Variants in UBE2D2 observed in about 807,000 individuals in gnomAD.
The protein encoded by UBE2D2 is ubiquitin-conjugating enzyme E2 D2.
Under a neutral mutation model 24.2 loss-of-function variants are expected in UBE2D2, and 2 were observed. The observed-to-expected ratio is 0.08, with a 90% confidence interval of 0.03 to 0.26. The LOEUF (loss-of-function observed/expected upper bound fraction) is 0.26, where lower values mean the gene tolerates loss of function less well. UBE2D2 is among the 10% of genes least tolerant of loss of function. The pLI, the probability that UBE2D2 is intolerant of heterozygous loss-of-function variation, is 1.00. For missense variants in UBE2D2, 44 were observed against 177.6 expected (o/e 0.25, Z 4.28); for synonymous variants, 58 against 56.5 (o/e 1.03, Z -0.12).
intron 1 of UBE2D2, among the ~76,000 whole-genome samples, chr5:139,528,588 T>G (rs574834080): frequency 6.6e-6 from 1 of 152,190 alleles, no homozygotes; most frequent in Non-Finnish European, 1.5e-5. Context: ...ATAAGCTAAC[T>G]CTTAGACAAA....
upstream of UBE2D2, among the ~76,000 whole-genome samples, chr5:139,559,415 G>A (rs1753024685): frequency 6.7e-6 from 1 of 148,388 alleles, no homozygotes; most frequent in Non-Finnish European, 1.5e-5. Flanking sequence ...GACAGAGTGA[G>A]ACTCCGTCTC....
chr5:139,611,222 T>C (rs1163958176), intron 2 of UBE2D2, among the ~76,000 whole-genome samples: 2 of 143,850 alleles, frequency 1.4e-5, no homozygotes, highest in African/African-American at 5.2e-5. Context: ...GTTTCGCTCT[T>C]GTTTCCCAGG....
rs1290635215 is a variant in UBE2D2, at chr5:139,591,153, CTGT to C, written c.25-9213_25-9211del. On this transcript the variant is annotated intron_variant, in intron 1 of 6. Coordinates refer to ENST00000398733, the MANE Select transcript of UBE2D2 (RefSeq NM_003339.3). ...TTTTTTTTTTTAAGACGGAGTTTCG[CTGT>C]TGTTGCCCAGGCTGGAGTGCATGGT... Among the ~76,000 whole-genome samples the C allele has an allele frequency of 2.7e-5, 4 of 145,608 alleles. No homozygotes were observed. In the East Asian group the frequency reaches 8.1e-4, roughly 30 times the overall value.
At chr5:139,574,601 T>G (rs1169157847) in intron 1 of UBE2D2, among the ~76,000 whole-genome samples, 1 of 151,994 alleles carries the variant, frequency 6.6e-6, no homozygotes, top group African/African-American at 2.4e-5. Flanking sequence ...GTAGACATGA[T>G]TGATTATTCC....
At position 139,561,585 on chromosome 5, in the gene UBE2D2, GC is replaced by G. The variant is rs906691472; in HGVS notation, c.-205del. 3 of 426,040 alleles carry G rather than the reference GC, an allele frequency of 7.0e-6. No homozygotes were observed. Among genetic ancestry groups the G allele is most frequent in the African/African-American group, 6.2e-5 (3 of 48,676 alleles). 26.4% of individuals were successfully genotyped at this position (426,040 alleles called of 1,614,324 possible). A position where few individuals can be genotyped will look rare whatever the true frequency, so the allele number is the denominator to read the frequency against. On this transcript the variant is annotated 5_prime_UTR_variant, in exon 1 of 7. Transcript: ENST00000398733. ...GGCGGCGGCGAATAAAGGGGCCGCC[GC>G]CGGGTGATGCGGTGACCGCTGCGGC...
rs1195507116 is a variant in UBE2D2, at chr5:139,582,666, A to ATT, written c.25-17685_25-17684dup. 9.8e-3 allele frequency among the ~76,000 whole-genome samples: 1,101 copies of ATT among 112,306 alleles called. 22 individuals are homozygous for ATT. The highest frequency in any genetic ancestry group is 0.012 in the Non-Finnish European group (719 of 58,136). The allele number at this position is 112,306 out of a possible 152,430, so 73.7% of individuals were successfully genotyped here. A position where few individuals can be genotyped will look rare whatever the true frequency, so the allele number is the denominator to read the frequency against. ...AGATTTCGAAGCGATTTAGATTCGAATTTTTTTTTTTTTTTTTTTTTTGAG... is the reference window on the plus strand; with the variant it reads ...AGATTTCGAAGCGATTTAGATTCGAATTTTTTTTTTTTTTTTTTTTTTTTGAG... On this transcript the variant is annotated intron_variant, in intron 1 of 6. Coordinates refer to ENST00000398733, the MANE Select transcript of UBE2D2 (RefSeq NM_003339.3).
chr5:139,620,109 C>A (rs1438483164), intron 5 of UBE2D2, among the ~76,000 whole-genome samples: 2 of 152,142 alleles, frequency 1.3e-5, no homozygotes, highest in African/African-American at 4.8e-5. Context: ...CTAAACCATT[C>A]ATGAAGGATA....
In UBE2D2 at chr5:139,535,191, A is replaced by G. The variant is rs548964665; in HGVS notation, c.-64+8579A>G. ...TCAGGGTGTGGTGGCTCACGCCTGT[A>G]ATCCCAGCACTTTGGGAGGCAGAGG... On this transcript the variant is annotated intron_variant, in intron 1 of 6. Transcript: ENST00000511725. Among the ~76,000 whole-genome samples the G allele has an allele frequency of 3.3e-5, 5 of 151,896 alleles. No individual in the cohort carries two copies. In the East Asian group the frequency reaches 9.7e-4, roughly 29 times the overall value.
chr5:139,581,788 C>G (rs183578111), intron 1 of UBE2D2, among the ~76,000 whole-genome samples: 70 of 152,038 alleles, frequency 4.6e-4, no homozygotes, highest in Admixed American at 1.1e-3. Flanking sequence ...CCTGCCTCAG[C>G]CTCCCGAGTA....
At chr5:139,529,402 G>A (rs1752576158) in intron 1 of UBE2D2, among the ~76,000 whole-genome samples, 1 of 152,144 alleles carries the variant, frequency 6.6e-6, no homozygotes, top group Non-Finnish European at 1.5e-5. Context: ...AACAGCATGG[G>A]ATAAGATGCA....
chr5:139,565,713 T>C (rs1325520306), intron 1 of UBE2D2, among the ~76,000 whole-genome samples: 2 of 152,184 alleles, frequency 1.3e-5, no homozygotes, highest in Non-Finnish European at 2.9e-5. Context: ...CTGACTTGCT[T>C]CCTGTTTTTC....
intron 1 of UBE2D2, among the ~76,000 whole-genome samples, chr5:139,541,908 C>T (rs1279830289): frequency 2.6e-5 from 4 of 151,918 alleles, no homozygotes; most frequent in African/African-American, 7.3e-5. Context: ...AAAAATTAGC[C>T]GGGTATGGTG....
At chr5:139,567,011 A>T (rs1288448720) in intron 1 of UBE2D2, among the ~76,000 whole-genome samples, 1 of 152,162 alleles carries the variant, frequency 6.6e-6, no homozygotes, top group African/African-American at 2.4e-5. Flanking sequence ...TCATTAAGTA[A>T]TCAGGAGTGT....
At chr5:139,558,220 C>G (rs550659323), upstream of UBE2D2, among the ~76,000 whole-genome samples, 67 of 152,144 alleles carry the variant, frequency 4.4e-4, no homozygotes, top group Middle Eastern at 3.2e-3. Flanking sequence ...CATTTATATG[C>G]TAGAATACAA....
chr5:139,571,966 TC>T (rs1367206781), intron 1 of UBE2D2, among the ~76,000 whole-genome samples: 1 of 152,038 alleles, frequency 6.6e-6, no homozygotes, highest in Non-Finnish European at 1.5e-5. Flanking sequence ...TTTTTAAACT[TC>T]CCTCTTCCAT....
chr5:139,600,351 TTTTC>T lies in UBE2D2; in HGVS notation c.25-13_25-10del. On this transcript the variant is annotated splice_polypyrimidine_tract_variant and intron_variant, in intron 1 of 6. Coordinates refer to ENST00000398733, the MANE Select transcript of UBE2D2 (RefSeq NM_003339.3). ...GGTACATTTATGTTGAATATATTTCTTTTCTTTCTTTTTTCTGTAGGAATTGAAT... is the reference window on the plus strand; with the variant it reads ...GGTACATTTATGTTGAATATATTTCTTTTCTTTTTTCTGTAGGAATTGAAT... 1.2e-6 allele frequency: 2 copies of T among 1,612,420 alleles called. No homozygotes were observed. The highest frequency in any genetic ancestry group is 1.7e-6 in the Non-Finnish European group (2 of 1,179,152).
intron 1 of UBE2D2, among the ~76,000 whole-genome samples, chr5:139,590,350 G>A (rs1052676907): frequency 6.6e-6 from 1 of 151,228 alleles, no homozygotes; most frequent in African/African-American, 2.4e-5. Flanking sequence ...CAGGAGAATC[G>A]CTTGAACCCA....
chr5:139,573,399 A>G lies in UBE2D2; in HGVS notation c.24+11584A>G, dbSNP rs544225628. 7.2e-5 allele frequency among the ~76,000 whole-genome samples: 11 copies of G among 152,222 alleles called. No homozygotes were observed. In the South Asian group the frequency reaches 2.1e-3, roughly 29 times the overall value. ...AAGAATAGTATTTTTCTTACATAATAAAAGTCATCCTCATCAGGTACTCCT... is the reference window on the plus strand; with the variant it reads ...AAGAATAGTATTTTTCTTACATAATGAAAGTCATCCTCATCAGGTACTCCT... On this transcript the variant is annotated intron_variant, in intron 1 of 6. Transcript: ENST00000398733.
intron 1 of UBE2D2, among the ~76,000 whole-genome samples, chr5:139,584,004 A>G (rs908949846): frequency 2.0e-5 from 3 of 152,204 alleles, no homozygotes; most frequent in Non-Finnish European, 4.4e-5. Context: ...AGTTTATTAT[A>G]GCCTGAGTGT....
Sources: gnomAD v4.1 joint callset for allele counts (sites outside exome capture counted in the v4.1 genomes callset) on GRCh38, gnomAD v4.1.1 for gene constraint, MANE v1.5 for transcripts, NCBI Gene and HGNC (gene_info 2026-07-23, HGNC 2026-07-21) for gene names.